The following OVCH1 variants were observed in gnomAD, a reference collection of about 807,000 sequenced individuals.
OVCH1 encodes ovochymase 1, also known as ovochymase-1.
OVCH1 carries 139 observed loss-of-function variants against 138.4 expected under a neutral mutation model. The ratio of observed to expected loss-of-function variants is 1.00; its 90% CI spans 0.87 to 1.16. The LOEUF (loss-of-function observed/expected upper bound fraction) is 1.16, where lower values mean the gene tolerates loss of function less well. Among genes scored for constraint, OVCH1 ranks in the 50% most tolerant of loss-of-function variants. The pLI, the probability that OVCH1 is intolerant of heterozygous loss-of-function variation, is 0.00. For synonymous variants in OVCH1, 453 were observed against 467.8 expected (o/e 0.97, Z 0.41); for missense variants, 1,367 against 1,357.9 (o/e 1.01, Z -0.11).
chr12:29,445,153 CAT>C, intron 23 of OVCH1, 123 bp downstream of exon 23: 1 of 1,154,362 alleles, frequency 8.7e-7, no homozygotes. Flanking sequence ...TCCTTTCAAA[CAT>C]ATACTCATTT....
At chr12:29,440,578 AAAC>A (rs1941458635) in intron 25 of OVCH1, 1 of 335,684 alleles carries the variant, frequency 3.0e-6, no homozygotes, top group African/African-American at 2.2e-5. Flanking sequence ...TTAATTCTCA[AAAC>A]AACCTCATGA....
chr12:29,407,867 G>A (rs1343173995), downstream of OVCH1, among the ~76,000 whole-genome samples: 4 of 150,966 alleles, frequency 2.6e-5, no homozygotes, highest in Non-Finnish European at 4.4e-5. Context: ...GCTTGATGGG[G>A]ATGGCATTGA....
chr12:29,434,148 T>C (rs1941317312), intron 26 of OVCH1, among the ~76,000 whole-genome samples: 1 of 152,166 alleles, frequency 6.6e-6, no homozygotes, highest in Non-Finnish European at 1.5e-5. Flanking sequence ...AACTAACACA[T>C]ATGAACTAAT....
intron 6 of OVCH1, among the ~76,000 whole-genome samples, chr12:29,488,719 A>T (rs1273613185): frequency 6.6e-6 from 1 of 152,014 alleles, no homozygotes; most frequent in Non-Finnish European, 1.5e-5. Flanking sequence ...CTTCAATAAC[A>T]TTCCAGAATC....
At chr12:29,463,577 G>A (rs924603485) in intron 18 of OVCH1, among the ~76,000 whole-genome samples, 1 of 152,160 alleles carries the variant, frequency 6.6e-6, no homozygotes, top group Admixed American at 6.6e-5. Context: ...TGTGTAATGA[G>A]AAGCCATTAA....
intron 3 of OVCH1, among the ~76,000 whole-genome samples, chr12:29,414,022 T>C (rs1280883971): frequency 1.7e-4 from 2 of 12,080 alleles, no homozygotes; most frequent in African/African-American, 2.9e-4. Context: ...CTCTCTCTCT[T>C]TTTTTTTTTT....
intron 6 of OVCH1, among the ~76,000 whole-genome samples, chr12:29,488,383 G>A (rs929704935): frequency 5.9e-5 from 9 of 151,816 alleles, no homozygotes; most frequent in African/African-American, 1.7e-4. Flanking sequence ...TTTGGGAGGC[G>A]GGGCTGGTGT....
downstream of OVCH1, chr12:29,427,434 G>C (rs1941197653): frequency 8.3e-7 from 1 of 1,205,792 alleles, no homozygotes; most frequent in Non-Finnish European, 1.1e-6. Flanking sequence ...GGTTAAGGAA[G>C]GCTATTTAGA....
At chr12:29,487,024 G>C in intron 7 of OVCH1, 1 of 419,506 alleles carries the variant, frequency 2.4e-6, no homozygotes, top group Non-Finnish European at 4.8e-6. Flanking sequence ...AGGATCCACA[G>C]CACCACTTCT....
chr12:29,473,836 C>T (rs563822858), intron 14 of OVCH1, among the ~76,000 whole-genome samples: 1 of 152,172 alleles, frequency 6.6e-6, no homozygotes, highest in African/African-American at 2.4e-5. Flanking sequence ...CTGGTGGGCA[C>T]AATCTAATCA....
intron 3 of OVCH1, among the ~76,000 whole-genome samples, chr12:29,413,485 T>C (rs1197902427): frequency 6.6e-6 from 1 of 152,246 alleles, no homozygotes; most frequent in Non-Finnish European, 1.5e-5. Flanking sequence ...TTTGCAGTAC[T>C]TTAAACTTTT....
At chr12:29,442,337 T>C (rs890852628) in intron 25 of OVCH1, among the ~76,000 whole-genome samples, 1 of 147,310 alleles carries the variant, frequency 6.8e-6, no homozygotes, top group Non-Finnish European at 1.5e-5. Context: ...ATGGATGAAA[T>C]TGGAAATCAT....
At chr12:29,467,058 C>T (rs948577960) in intron 16 of OVCH1, among the ~76,000 whole-genome samples, 17 of 151,998 alleles carry the variant, frequency 1.1e-4, no homozygotes, top group Non-Finnish European at 5.9e-5. Flanking sequence ...CCTTTATTAA[C>T]GGAGCTAACT....
chr12:29,478,587 C>T (rs1247310333), intron 9 of OVCH1, among the ~76,000 whole-genome samples: 2 of 152,154 alleles, frequency 1.3e-5, no homozygotes, highest in African/African-American at 2.4e-5. Context: ...ACTCCCTCCC[C>T]TTAACCCTTC....
the OVCH1 span, among the ~76,000 whole-genome samples, chr12:29,405,032 AAAAAAAAAAAAAAAAAAAAAAAAAC>A: frequency 7.3e-6 from 1 of 137,496 alleles, no homozygotes; most frequent in Non-Finnish European, 1.5e-5. Flanking sequence ...AAAAAAAAAA[AAAAAAAAAAAAAAAAAAAAAAAAAC>A]AAAAGAAATG....
chr12:29,496,096 A>G (rs1016648443), intron 3 of OVCH1, 85 bp downstream of exon 3: 4 of 1,245,930 alleles, frequency 3.2e-6, no homozygotes, highest in Non-Finnish European at 4.6e-6. Flanking sequence ...GGGACTGAGA[A>G]TGAACCTGCT....
At chr12:29,454,644 A>G (rs1213301709) in intron 21 of OVCH1, among the ~76,000 whole-genome samples, 197 bp downstream of exon 21, 1 of 152,176 alleles carries the variant, frequency 6.6e-6, no homozygotes, top group African/African-American at 2.4e-5. Context: ...AAAATCTGCA[A>G]CAGGTCTAGC....
chr12:29,487,557 G>A (rs972659195), intron 7 of OVCH1, 136 bp downstream of exon 7: 12 of 784,852 alleles, frequency 1.5e-5, no homozygotes, highest in Non-Finnish European at 1.9e-5. Context: ...TCAGAGACAA[G>A]TATCTACACT....
intron 26 of OVCH1, among the ~76,000 whole-genome samples, chr12:29,436,391 G>T (rs1365817547): frequency 6.6e-6 from 1 of 151,878 alleles, no homozygotes; most frequent in Non-Finnish European, 1.5e-5. Flanking sequence ...CATTTGACAA[G>T]TATAATCATT....
Sources: allele counts gnomAD v4.1 joint callset (sites outside exome capture counted in the v4.1 genomes callset), GRCh38; gene constraint gnomAD v4.1.1; transcripts MANE v1.5; gene names NCBI Gene and HGNC (gene_info 2026-07-23, HGNC 2026-07-21).